KANK1: variants seen among roughly 807,000 people sequenced by gnomAD.
The protein encoded by KANK1 is KN motif and ankyrin repeat domains 1.
Under a neutral mutation model 106.2 loss-of-function variants are expected in KANK1, and 109 were observed. That is an observed-to-expected ratio of 1.03 (90% CI 0.88 to 1.20). The LOEUF is 1.20. Among genes scored for constraint, KANK1 ranks in the 50% most tolerant of loss-of-function variants. The pLI, the probability that KANK1 is intolerant of heterozygous loss-of-function variation, is 0.00. For missense variants in KANK1, 2,399 were observed against 1,710.7 expected (o/e 1.40, Z -7.10); for synonymous variants, 873 against 652.2 (o/e 1.34, Z -5.16).
chr9:481,529 T>C (rs989500878), intron 3 of KANK1, among the ~76,000 whole-genome samples: 1 of 152,218 alleles, frequency 6.6e-6, no homozygotes, highest in Non-Finnish European at 1.5e-5. Context: ...GTATTGAATG[T>C]GGTCTCCATC....
Position 712,208 on chromosome 9 carries a change from A to G in KANK1, c.1442A>G (p.His481Arg). ...RLEVQLRETT[H>R]DREMTKLKQE... is the part of the protein sequence containing the mutation. ...GAAGTACAGCTTAGAGAAACCACCC[A>G]TGACCGGGAGATGACTAAACTGAAA... is the stretch of plus-strand genomic sequence containing the variant. Residue 481 changes from histidine (H) to arginine (R), a missense_variant, in exon 3 of 12, where the codon CAT becomes CGT. Physicochemically the swap from His to Arg is conservative, Grantham distance 29. Transcript: ENST00000382297. The G allele has an allele frequency of 3.1e-6, 5 of 1,614,184 alleles. No individual in the cohort carries two copies. Among genetic ancestry groups the G allele is most frequent in the Non-Finnish European group, 3.4e-6 (4 of 1,180,026 alleles).
chr9:610,298 A>G (rs1374316633), intron 1 of KANK1, among the ~76,000 whole-genome samples: 4 of 152,214 alleles, frequency 2.6e-5, no homozygotes, highest in Non-Finnish European at 4.4e-5. Flanking sequence ...TATAAGATGA[A>G]AAAACATTCT....
At chr9:548,002 G>T (rs1222397072) in intron 1 of KANK1, among the ~76,000 whole-genome samples, 1 of 152,110 alleles carries the variant, frequency 6.6e-6, no homozygotes, top group Non-Finnish European at 1.5e-5. Context: ...ATCTGTTTAA[G>T]TTGTCTATAC....
rs545967552 is a variant in KANK1, at chr9:580,282, T to A, written c.-84+75528T>A. Among the ~76,000 whole-genome samples, 35 of 152,198 alleles carry A rather than the reference T, an allele frequency of 2.3e-4. 1 individual carries two copies. The South Asian group carries it at 4.1e-3, about 18-fold the overall frequency. ...GGCCTCAGGAGTGAAGCTGCAGACCTTCCTGGTGTTACAGCTCATAAAGGC... is the reference window on the plus strand; with the variant it reads ...GGCCTCAGGAGTGAAGCTGCAGACCATCCTGGTGTTACAGCTCATAAAGGC... On this transcript the variant is annotated intron_variant, in intron 1 of 11. Transcript: ENST00000382297.
chr9:734,719 C>A (rs201204789), intron 6 of KANK1, 29 bp from the exon 7 acceptor site: 28 of 1,452,826 alleles, frequency 1.9e-5, no homozygotes, highest in Non-Finnish European at 2.5e-5. Context: ...TTCTTGTGAC[C>A]AATCGTAACT....
At chr9:741,779 G>T (rs915468134) in intron 9 of KANK1, among the ~76,000 whole-genome samples, 3 of 151,828 alleles carry the variant, frequency 2.0e-5, no homozygotes, top group Non-Finnish European at 4.4e-5. Context: ...GAGCTACTGC[G>T]CCAGCCCCTG....
chr9:553,056 G>C (rs1466025604), intron 1 of KANK1, among the ~76,000 whole-genome samples: 4 of 152,152 alleles, frequency 2.6e-5, no homozygotes, highest in Non-Finnish European at 2.9e-5. Flanking sequence ...TGAGGTGGCA[G>C]GATCGCTTGA....
chr9:506,458 T>C (rs77054245), intron 1 of KANK1, among the ~76,000 whole-genome samples: 2 of 152,340 alleles, frequency 1.3e-5, no homozygotes, highest in East Asian at 3.9e-4. Flanking sequence ...GGATGCTTTC[T>C]GGGCTCTAGA....
chr9:710,818 A>G lies in KANK1; in HGVS notation c.52A>G (p.Ile18Val), dbSNP rs61737970. The G allele has an allele frequency of 0.019, 30,128 of 1,588,218 alleles. 395 individuals carry two copies. Among genetic ancestry groups the G allele is most frequent in the Non-Finnish European group, 0.022 (26,010 of 1,170,222 alleles). Residue 18 changes from isoleucine (I) to valine (V), a missense_variant, in exon 3 of 12, where the codon ATT (isoleucine) becomes GTT (valine). By Grantham distance (29) the Ile-to-Val change is conservative. Coordinates refer to ENST00000382297, the MANE Select transcript of KANK1 (RefSeq NM_015158.5). The part of the protein sequence containing the change: ...NGSASGKAGD[I>V]LSGDQDKEQK... ...CCCTCTTCTAGGAAAAGCAGGTGATATTCTCAGTGGAGACCAGGACAAGGA... is the reference window on the plus strand; with the variant it reads ...CCCTCTTCTAGGAAAAGCAGGTGATGTTCTCAGTGGAGACCAGGACAAGGA...
intron 1 of KANK1, among the ~76,000 whole-genome samples, chr9:673,301 C>T (rs1326198738): frequency 6.6e-6 from 1 of 150,508 alleles, no homozygotes; most frequent in African/African-American, 2.4e-5. Context: ...ACCTCTGCCT[C>T]CCTGTTCAAG....
intron 1 of KANK1, among the ~76,000 whole-genome samples, chr9:567,747 G>C (rs760496127): frequency 6.6e-6 from 1 of 152,178 alleles, no homozygotes; most frequent in African/African-American, 2.4e-5. Flanking sequence ...TGGAACTTTG[G>C]TGCAGTGTTG....
intron 2 of KANK1, among the ~76,000 whole-genome samples, chr9:701,472 C>T (rs1237492179): frequency 1.3e-5 from 2 of 152,202 alleles, no homozygotes; most frequent in Non-Finnish European, 2.9e-5. Flanking sequence ...TCGCTGTCCC[C>T]AGCACAGGCT....
intron 1 of KANK1, among the ~76,000 whole-genome samples, chr9:559,182 C>G (rs1413393856): frequency 1.3e-5 from 2 of 151,960 alleles, no homozygotes; most frequent in African/African-American, 2.4e-5. Flanking sequence ...TGTGAGTTGT[C>G]TAGTCTGTTC....
In KANK1 at chr9:732,853, A is replaced by G. The variant is rs565805729; in HGVS notation, c.3245+236A>G. On this transcript the variant is annotated intron_variant, in intron 6 of 11. Transcript: ENST00000382297. ...TGTTTTCTGAAACCTTAACTCTGCT[A>G]TATAATTTAACATATGGAACCACAA... The G allele has an allele frequency of 1.5e-3, 544 of 363,778 alleles. 1 individual carries two copies. Among genetic ancestry groups the G allele is most frequent in the African/African-American group, 0.01 (503 of 49,288 alleles). 22.5% of individuals were successfully genotyped at this position (363,778 alleles called of 1,614,324 possible). A position where few individuals can be genotyped will look rare whatever the true frequency, so the allele number is the denominator to read the frequency against.
chr9:650,526 C>T (rs779201344), intron 1 of KANK1, among the ~76,000 whole-genome samples: 17 of 152,184 alleles, frequency 1.1e-4, no homozygotes, highest in Non-Finnish European at 2.1e-4. Context: ...CATGCTGGTG[C>T]TGCTGGACCA....
chr9:666,491 T>C (rs1368617920), intron 1 of KANK1, among the ~76,000 whole-genome samples: 1 of 152,160 alleles, frequency 6.6e-6, no homozygotes, highest in Non-Finnish European at 1.5e-5. Context: ...TGAATGAAAG[T>C]AGTGAAAGTG....
chr9:686,968 T>C, intron 2 of KANK1: 2 of 979,902 alleles, frequency 2.0e-6, no homozygotes, highest in South Asian at 9.5e-5. Flanking sequence ...GCTCTTATCC[T>C]TTGGTATGTT....
rs4354364 is a variant in KANK1 at position 670,959 on chromosome 9, T to G, written c.-83-5931T>G. The stretch of plus-strand genomic sequence containing the variant: ...TTACTGTCTGCTGGAGTTTTTTTTT[T>G]TTTTTTTTTTTTTTTTTTTACTTCT... On this transcript the variant is annotated intron_variant, in intron 1 of 11. Coordinates refer to ENST00000382297, the MANE Select transcript of KANK1 (RefSeq NM_015158.5). Among the ~76,000 whole-genome samples the G allele has an allele frequency of 4.1e-3, 430 of 106,020 alleles. 1 individual carries two copies. Among genetic ancestry groups the G allele is most frequent in the Middle Eastern group, 0.015 (3 of 202 alleles). The allele number at this position is 106,020 out of a possible 152,430, so 69.6% of individuals were successfully genotyped here.
chr9:630,741 A>T lies in KANK1; in HGVS notation c.-83-46149A>T, dbSNP rs562417489. 1.3e-4 allele frequency among the ~76,000 whole-genome samples: 19 copies of T among 151,806 alleles called. No homozygotes were observed. In the South Asian group the frequency reaches 3.6e-3, roughly 28 times the overall value. Reference sequence around the variant, plus strand: ...ACATGGTAAAACCCTGTGTCTACTAAAAATACAAAAATTTAGCCAGGTGTG... The same window carrying T: ...ACATGGTAAAACCCTGTGTCTACTATAAATACAAAAATTTAGCCAGGTGTG... On this transcript the variant is annotated intron_variant, in intron 1 of 11. Transcript: ENST00000382297.
Sources: gnomAD v4.1 joint callset for allele counts (sites outside exome capture counted in the v4.1 genomes callset) on GRCh38, gnomAD v4.1.1 for gene constraint, MANE v1.5 for transcripts, NCBI Gene and HGNC (gene_info 2026-07-23, HGNC 2026-07-21) for gene names.